CNTNAP2: variants seen among roughly 807,000 people sequenced by gnomAD.
CNTNAP2 encodes the protein contactin associated protein 2.
In CNTNAP2, 98 loss-of-function variants were observed where a neutral mutation model predicts 155.2. The ratio of observed to expected loss-of-function variants is 0.63; its 90% CI spans 0.54 to 0.75. CNTNAP2 has a LOEUF of 0.75. CNTNAP2 is among the 30% of genes least tolerant of loss of function. The pLI is 0.00. For missense variants in CNTNAP2, 1,727 were observed against 1,688.1 expected (o/e 1.02, Z -0.40); for synonymous variants, 651 against 631.2 (o/e 1.03, Z -0.47).
chr7:147,188,876 A>G (rs1802622432), intron 8 of CNTNAP2, among the ~76,000 whole-genome samples: 1 of 152,232 alleles, frequency 6.6e-6, no homozygotes, highest in African/African-American at 2.4e-5. Flanking sequence ...CCTTTTATAA[A>G]TTGTGTTAAT....
At chr7:148,129,103 T>C (rs184476785) in intron 16 of CNTNAP2, among the ~76,000 whole-genome samples, 2 of 152,300 alleles carry the variant, frequency 1.3e-5, no homozygotes, top group Admixed American at 1.3e-4. Context: ...AAGAGATGGC[T>C]TGTCCCTCGG....
intron 9 of CNTNAP2, among the ~76,000 whole-genome samples, chr7:147,313,407 A>C (rs977769705): frequency 2.0e-5 from 3 of 151,132 alleles, no homozygotes; most frequent in Non-Finnish European, 1.5e-5. Flanking sequence ...TCTAACATTT[A>C]AGTCTTTAAT....
chr7:146,388,174 T>C (rs775980742), intron 1 of CNTNAP2, among the ~76,000 whole-genome samples: 4 of 151,970 alleles, frequency 2.6e-5, no homozygotes, highest in Non-Finnish European at 5.9e-5. Context: ...CTCACGTTGG[T>C]AATCCTCGCA....
intron 15 of CNTNAP2, among the ~76,000 whole-genome samples, chr7:148,088,735 A>C (rs561781151): frequency 6.6e-6 from 1 of 151,996 alleles, no homozygotes; most frequent in South Asian, 2.1e-4. Context: ...CCAAACATTT[A>C]AAGGATAAAA....
intron 1 of CNTNAP2, among the ~76,000 whole-genome samples, chr7:146,219,347 T>C (rs898238192): frequency 6.6e-6 from 1 of 152,208 alleles, no homozygotes; most frequent in Non-Finnish European, 1.5e-5. Flanking sequence ...TATTACCCTT[T>C]AAAGTTACGA....
Position 147,856,158 on chromosome 7 carries a change from T to C in CNTNAP2, c.2099-47407T>C, listed in dbSNP as rs186486986. ...CAGTTCTTCAACCGGCCGACCCTGCTGCCTCCTGGAGCCCATATAGGGTTT... is the reference window on the plus strand; with the variant it reads ...CAGTTCTTCAACCGGCCGACCCTGCCGCCTCCTGGAGCCCATATAGGGTTT... On this transcript the variant is annotated intron_variant, in intron 13 of 23. Coordinates refer to ENST00000361727, the MANE Select transcript of CNTNAP2 (RefSeq NM_014141.6). 2.6e-5 allele frequency among the ~76,000 whole-genome samples: 4 copies of C among 152,032 alleles called. No individual in the cohort carries two copies. The East Asian group carries it at 7.7e-4, about 29-fold the overall frequency.
chr7:147,171,902 G>T (rs931018727), intron 8 of CNTNAP2, among the ~76,000 whole-genome samples: 1 of 151,258 alleles, frequency 6.6e-6, no homozygotes, highest in Non-Finnish European at 1.5e-5. Context: ...TATGTTCTAT[G>T]AAAAAAACGA....
At chr7:147,919,613 C>A (rs1316959272) in intron 14 of CNTNAP2, among the ~76,000 whole-genome samples, 1 of 151,730 alleles carries the variant, frequency 6.6e-6, no homozygotes, top group East Asian at 2.0e-4. Context: ...CAGCCGCCAC[C>A]ACGCCTGGCT....
At chr7:147,156,803 C>CA (rs1801934788) in intron 8 of CNTNAP2, among the ~76,000 whole-genome samples, 1 of 151,982 alleles carries the variant, frequency 6.6e-6, no homozygotes, top group African/African-American at 2.4e-5. Flanking sequence ...TATTCTGTAC[C>CA]AAAAATGAAA....
intron 1 of CNTNAP2, among the ~76,000 whole-genome samples, chr7:146,256,969 A>G (rs1400803010): frequency 6.6e-6 from 1 of 152,224 alleles, no homozygotes; most frequent in Non-Finnish European, 1.5e-5. Flanking sequence ...ATAGTTTAAT[A>G]ACCGGAAAAC....
chr7:147,898,333 T>C (rs1252592833), intron 13 of CNTNAP2, among the ~76,000 whole-genome samples: 1 of 152,212 alleles, frequency 6.6e-6, no homozygotes, highest in Non-Finnish European at 1.5e-5. Flanking sequence ...AGTACCACAG[T>C]ATTTTTTTGC....
chr7:147,221,630 A>G (rs760911343), intron 8 of CNTNAP2, among the ~76,000 whole-genome samples: 6 of 152,206 alleles, frequency 3.9e-5, no homozygotes, highest in Non-Finnish European at 7.3e-5. Flanking sequence ...AAGAAACAGA[A>G]AAGAAGTTAA....
intron 13 of CNTNAP2, among the ~76,000 whole-genome samples, chr7:147,647,762 A>G (rs1795391269): frequency 3.9e-5 from 6 of 152,252 alleles, no homozygotes; most frequent in Admixed American, 3.9e-4. Context: ...GCAGCTAGCT[A>G]AAGGAACTGA....
intron 13 of CNTNAP2, among the ~76,000 whole-genome samples, chr7:147,697,107 G>A (rs6948030): frequency 0.075 from 11,358 of 152,064 alleles, 669 homozygotes; most frequent in African/African-American, 0.17. Flanking sequence ...CTGTTATCAC[G>A]TCCTCACACT....
chr7:146,478,347 AC>A (rs1796910319), intron 1 of CNTNAP2, among the ~76,000 whole-genome samples: 1 of 152,044 alleles, frequency 6.6e-6, no homozygotes, highest in Admixed American at 6.6e-5. Flanking sequence ...ATGCACACAA[AC>A]AAAAAACCAC....
rs539541628 is a variant in CNTNAP2, at chr7:147,698,197, G to C, written c.2098+58891G>C. On this transcript the variant is annotated intron_variant, in intron 13 of 23. Transcript: ENST00000361727. ...GAGTTGTAATTTTTCATTTTGCTCA[G>C]ATTTTTACTTATTGTTAGGCCAGAC... Among the ~76,000 whole-genome samples the C allele has an allele frequency of 7.8e-4, 119 of 152,258 alleles. 1 individual carries two copies. Among genetic ancestry groups the C allele is most frequent in the Non-Finnish European group, 1.5e-3 (104 of 68,022 alleles).
At chr7:146,370,557 T>C (rs936801755) in intron 1 of CNTNAP2, among the ~76,000 whole-genome samples, 2 of 152,202 alleles carry the variant, frequency 1.3e-5, no homozygotes, top group South Asian at 2.1e-4. Flanking sequence ...TATCATTTGT[T>C]TGTCTATTCA....
intron 14 of CNTNAP2, among the ~76,000 whole-genome samples, chr7:147,906,529 T>G (rs999101044): frequency 2.0e-5 from 3 of 151,850 alleles, no homozygotes; most frequent in African/African-American, 7.3e-5. Context: ...CTTGCTCTGT[T>G]GCCTGGGCTG....
At position 148,412,623 on chromosome 7, in the gene CNTNAP2, C is replaced by G. The variant is rs551024147; in HGVS notation, c.3797-2794C>G. The stretch of plus-strand genomic sequence containing the variant: ...TTGTATATTCCTCAGAATTGTCTAC[C>G]TAGACAAGCATTTTATCTGAGAATA... On this transcript the variant is annotated intron_variant, in intron 23 of 23. Coordinates refer to ENST00000361727, the MANE Select transcript of CNTNAP2 (RefSeq NM_014141.6). Among the ~76,000 whole-genome samples the G allele has an allele frequency of 2.1e-4, 32 of 152,274 alleles. 2 individuals carry two copies. The South Asian group carries it at 6.4e-3, about 31-fold the overall frequency.
Sources: allele counts gnomAD v4.1 joint callset (sites outside exome capture counted in the v4.1 genomes callset), GRCh38; gene constraint gnomAD v4.1.1; transcripts MANE v1.5; gene names NCBI Gene and HGNC (gene_info 2026-07-23, HGNC 2026-07-21).